AHRR: variants seen among roughly 807,000 people sequenced by gnomAD.
The protein encoded by AHRR is ahR repressor.
AHRR carries 28 observed loss-of-function variants against 44.0 expected under a neutral mutation model. That is an observed-to-expected ratio of 0.64 (90% CI 0.47 to 0.87). AHRR has a LOEUF of 0.87. AHRR is among the 40% of genes least tolerant of loss of function. The probability of loss-of-function intolerance (pLI) is 0.00; values close to 1 mark genes in which losing one functional copy is unlikely to be tolerated. For missense variants in AHRR, 990 were observed against 953.9 expected, an observed-to-expected ratio of 1.04 and a Z score of -0.50; for synonymous variants, 434 against 407.0, an observed-to-expected ratio of 1.07 and a Z score of -0.80.
At position 413,362 on chromosome 5, in the gene AHRR, C is replaced by T; in HGVS notation, c.370C>T (p.Leu124=). Residue 124 remains leucine (L), a synonymous_variant, in exon 5 of 11, where the codon CTG becomes TTG. Transcript: ENST00000684583. ...LLLESLNGFA[L]VVSAEGTIFY... ...CTTCTAGTCTCTTAATGGCTTTGCT[C>T]TGGTCGTGAGTGCAGAAGGGACGAT... 5 of 1,610,122 alleles carry T rather than the reference C, an allele frequency of 3.1e-6. No individual in the cohort carries two copies. Among genetic ancestry groups the T allele is most frequent in the Non-Finnish European group, 4.2e-6 (5 of 1,178,428 alleles).
intron 5 of AHRR, among the ~76,000 whole-genome samples, chr5:416,891 G>C (rs1005579494): frequency 6.6e-6 from 1 of 152,032 alleles, no homozygotes; most frequent in African/African-American, 2.4e-5. Flanking sequence ...AGGTGGCTTG[G>C]TCCATATGTG....
In AHRR at chr5:334,937, C is replaced by G. The variant is rs191147628; in HGVS notation, c.-10-8956C>G. Among the ~76,000 whole-genome samples the G allele has an allele frequency of 1.7e-3, 263 of 152,152 alleles. 2 individuals carry two copies. Among genetic ancestry groups the G allele is most frequent in the African/African-American group, 5.9e-3 (246 of 41,470 alleles). On this transcript the variant is annotated intron_variant, in intron 1 of 10. Transcript: ENST00000684583. Reference sequence around the variant, plus strand: ...ACTTCTGAGGCATGCAGCAGTGAAGCCTCTGTATGTTTTATTTGGCTATTA... The same window carrying G: ...ACTTCTGAGGCATGCAGCAGTGAAGGCTCTGTATGTTTTATTTGGCTATTA...
chr5:373,247 G>A (rs1394504881), intron 3 of AHRR, among the ~76,000 whole-genome samples: 2 of 152,246 alleles, frequency 1.3e-5, no homozygotes, highest in Non-Finnish European at 2.9e-5. Flanking sequence ...CCGCGGCCCT[G>A]GCCCTGCCCT....
chr5:427,893 G>A lies in AHRR; in HGVS notation c.795G>A (p.Ser265=), dbSNP rs367633421. 19 of 1,614,014 alleles carry A rather than the reference G, an allele frequency of 1.2e-5. No homozygotes were observed. The East Asian group carries it at 1.3e-4, about 11-fold the overall frequency. ...PSGAMLPPRL[S]LFCIAAPVLL... ...GAGCCATGCTCCCGCCGCGGCTGTC[G>A]CTGTTCTGCATTGCGGCACCCGTTC... Residue 265 remains serine (S), a synonymous_variant, in exon 8 of 11, where the codon TCG becomes TCA. Coordinates refer to ENST00000684583, the MANE Select transcript of AHRR (RefSeq NM_001377236.1).
At position 427,808 on chromosome 5, in the gene AHRR, C is replaced by A; in HGVS notation, c.710C>A (p.Thr237Lys). The change falls in exon 8 of 11, where the codon ACG becomes AAG. Residue 237 changes from threonine to lysine, a missense_variant and splice_region_variant. By Grantham distance (78) the Thr-to-Lys change is moderately conservative (BLOSUM62 -1). Coordinates refer to ENST00000684583, the MANE Select transcript of AHRR (RefSeq NM_001377236.1). ...CLLDSTSGFLTMQFQGKLKFL... is the reference protein window; with the variant it reads ...CLLDSTSGFLKMQFQGKLKFL... Reference sequence around the variant, plus strand: ...TCCTCTCTGTCTTTAAAACACCAGACGATGCAGTTTCAAGGAAAACTAAAA... The same window carrying A: ...TCCTCTCTGTCTTTAAAACACCAGAAGATGCAGTTTCAAGGAAAACTAAAA... 3 of 1,614,072 alleles carry A rather than the reference C, an allele frequency of 1.9e-6. No homozygotes were observed. Among genetic ancestry groups the A allele is most frequent in the Non-Finnish European group, 2.5e-6 (3 of 1,179,956 alleles).
chr5:354,040 A>C, intron 3 of AHRR, 129 bp downstream of exon 3: 1 of 990,634 alleles, frequency 1.0e-6, no homozygotes, highest in Non-Finnish European at 1.5e-6. Flanking sequence ...TTCTTCCCCC[A>C]CGCTGCCCCC....
chr5:421,208 C>T (rs1736096775), intron 5 of AHRR: 2 of 675,204 alleles, frequency 3.0e-6, no homozygotes, highest in Non-Finnish European at 5.4e-6. Flanking sequence ...CTTGCGGACC[C>T]AGCGGCCTCC....
chr5:373,835 G>C (rs1004524881), intron 3 of AHRR, among the ~76,000 whole-genome samples: 6 of 150,798 alleles, frequency 4.0e-5, no homozygotes, highest in African/African-American at 1.2e-4. Flanking sequence ...GGCTCCTGGC[G>C]CCCTGCCCGG....
At chr5:414,199 G>C (rs527265584) in intron 5 of AHRR, among the ~76,000 whole-genome samples, 7 of 152,194 alleles carry the variant, frequency 4.6e-5, no homozygotes, top group East Asian at 1.9e-4. Flanking sequence ...GGAGGTGTAG[G>C]TTGCAGTGAG....
At chr5:340,689 T>TATATATATATATATATATA (rs1491423678) in intron 1 of AHRR, among the ~76,000 whole-genome samples, 9 of 17,372 alleles carry the variant, frequency 5.2e-4, no homozygotes, top group Admixed American at 1.3e-3. Flanking sequence ...TATATATATA[T>TATATATATATATATATATA]TTTTTTTTTT....
At position 434,108 on chromosome 5, in the gene AHRR, C is replaced by T; in HGVS notation, c.1368C>T (p.Ser456=). The T allele has an allele frequency of 6.2e-7, 1 of 1,613,130 alleles. No homozygotes were observed. Among genetic ancestry groups the T allele is most frequent in the Non-Finnish European group, 8.5e-7 (1 of 1,179,946 alleles). ...CCATCTCTCACCCGCCGAGCCCGTCCCCCAGTGCCTACTCCAGCCGGACCA... is the reference window on the plus strand; with the variant it reads ...CCATCTCTCACCCGCCGAGCCCGTCTCCCAGTGCCTACTCCAGCCGGACCA... ...NSPISHPPSP[S]PSAYSSRTSR... is the part of the protein sequence containing the mutation. The change falls in exon 11 of 11, where the codon TCC becomes TCT. Residue 456 remains serine, a synonymous_variant. Coordinates refer to ENST00000684583, the MANE Select transcript of AHRR (RefSeq NM_001377236.1).
At chr5:416,412 G>A (rs771761405) in intron 5 of AHRR, among the ~76,000 whole-genome samples, 6 of 152,248 alleles carry the variant, frequency 3.9e-5, no homozygotes, top group African/African-American at 1.4e-4. Flanking sequence ...TGCCCGGCAC[G>A]GCGTCTCCTA....
intron 4 of AHRR, among the ~76,000 whole-genome samples, chr5:379,632 C>T (rs1392988310): frequency 6.6e-6 from 1 of 152,210 alleles, no homozygotes; most frequent in Non-Finnish European, 1.5e-5. Flanking sequence ...ATCCGTGTGT[C>T]ATCTTTGGTG....
At chr5:374,910 G>A (rs947198059) in intron 3 of AHRR, among the ~76,000 whole-genome samples, 8 of 152,222 alleles carry the variant, frequency 5.3e-5, no homozygotes, top group Admixed American at 1.3e-4. Flanking sequence ...CCCAGCGTCC[G>A]GACCCCACCT....
At chr5:376,980 T>A (rs1733737857) in intron 4 of AHRR, among the ~76,000 whole-genome samples, 1 of 152,144 alleles carries the variant, frequency 6.6e-6, no homozygotes, top group Non-Finnish European at 1.5e-5. Context: ...GTGTGCTACA[T>A]CAGGAAATCA....
In AHRR at chr5:389,000, G is replaced by A. The variant is rs1420114649; in HGVS notation, c.351+12284G>A. 6.6e-6 allele frequency among the ~76,000 whole-genome samples: 1 copy of A among 152,164 alleles called. No individual in the cohort carries two copies. The highest frequency in any genetic ancestry group is 1.5e-5 in the Non-Finnish European group (1 of 68,006). ...GTCACCTGAACGGGAGGGCTGGCTGGGGCTCAGGGCTGTCCTGGGGGCCCT... is the reference window on the plus strand; with the variant it reads ...GTCACCTGAACGGGAGGGCTGGCTGAGGCTCAGGGCTGTCCTGGGGGCCCT... On this transcript the variant is annotated intron_variant, in intron 4 of 10. Transcript: ENST00000684583. The surrounding 1 kb of genome is among the most constrained non-coding windows in gnomAD (Gnocchi z 5.2).
intron 2 of AHRR, among the ~76,000 whole-genome samples, chr5:346,903 T>A (rs1236747377): frequency 6.6e-6 from 1 of 152,052 alleles, no homozygotes; most frequent in African/African-American, 2.4e-5. Flanking sequence ...TCTTCCAGGG[T>A]CCACGAAACA....
At position 419,312 on chromosome 5, in the gene AHRR, G is replaced by C. The variant is rs1560918506; in HGVS notation, c.442-3417G>C. Among the ~76,000 whole-genome samples the C allele has an allele frequency of 1.3e-5, 2 of 152,026 alleles. No homozygotes were observed. On this transcript the variant is annotated intron_variant, in intron 5 of 10. Coordinates refer to ENST00000684583, the MANE Select transcript of AHRR (RefSeq NM_001377236.1). This position sits in a 1 kb window ranked among gnomAD's most constrained non-coding sequence, Gnocchi z 4.4. ...CCTGAGTAGCTGAGATTACAGGTGTGTGCCACCAAGCCTGGCTAAATTTTG... is the reference window on the plus strand; with the variant it reads ...CCTGAGTAGCTGAGATTACAGGTGTCTGCCACCAAGCCTGGCTAAATTTTG...
rs541115835 is a variant in AHRR at position 354,579 on chromosome 5, G to A, written c.244+668G>A. ...TATTGCTGCCCTGGGAGCTGGGATC[G>A]CTCCAGAGAACTCGCAGGTGTAGAC... is the stretch of plus-strand genomic sequence containing the variant. On this transcript the variant is annotated intron_variant, in intron 3 of 10. Coordinates refer to ENST00000684583, the MANE Select transcript of AHRR (RefSeq NM_001377236.1). Among the ~76,000 whole-genome samples the A allele has an allele frequency of 2.0e-5, 3 of 152,316 alleles. No individual in the cohort carries two copies. The South Asian group carries it at 6.2e-4, about 32-fold the overall frequency.
Sources: gnomAD v4.1 joint callset for allele counts (sites outside exome capture counted in the v4.1 genomes callset) on GRCh38, gnomAD v4.1.1 for gene constraint, Gnocchi (gnomAD v3.1) non-coding constraint, MANE v1.5 for transcripts, NCBI Gene and HGNC (gene_info 2026-07-23, HGNC 2026-07-21) for gene names.